Variants in NLRP8 observed in about 807,000 individuals in gnomAD.
NLRP8 encodes the protein NACHT, LRR and PYD domains-containing protein 8.
In NLRP8, 86 loss-of-function variants were observed where a neutral mutation model predicts 88.7. The ratio of observed to expected loss-of-function variants is 0.97; its 90% confidence interval spans 0.81 to 1.16. NLRP8 has a LOEUF of 1.16. Ranked by LOEUF, NLRP8 falls within the 50% of genes most tolerant of loss-of-function variation. The probability of loss-of-function intolerance (pLI) is 0.00; values close to 1 mark genes in which losing one functional copy is unlikely to be tolerated. For synonymous variants in NLRP8, 504 were observed against 494.6 expected (o/e 1.02, Z -0.25); for missense variants, 1,342 against 1,286.5 (o/e 1.04, Z -0.66).
At position 55,976,260 on chromosome 19, in the gene NLRP8, T is replaced by C. The variant is rs199854111; in HGVS notation, c.2833T>C (p.Cys945Arg). 2.2e-5 allele frequency: 36 copies of C among 1,613,274 alleles called. No individual in the cohort carries two copies. The African/African-American group carries it at 3.5e-4, about 16-fold the overall frequency. Residue 945 changes from cysteine (C) to arginine (R), a missense_variant, in exon 8 of 10, where the codon TGT becomes CGT. Coordinates refer to ENST00000291971, the MANE Select transcript of NLRP8 (RefSeq NM_176811.2). ...GAAGGATGATGGGGTGATCCTGCTG[T>C]GTGAGGCCCTGAAGAACCCTGACTG...
chr19:55,970,842 A>G, intron 6 of NLRP8, 146 bp downstream of exon 6: 1 of 1,063,502 alleles, frequency 9.4e-7, no homozygotes, highest in South Asian at 1.6e-5. Flanking sequence ...AATTATATAG[A>G]TAGGTCAATA....
At chr19:55,974,972 G>A (rs1162348445) in intron 7 of NLRP8, among the ~76,000 whole-genome samples, 1 of 152,052 alleles carries the variant, frequency 6.6e-6, no homozygotes, top group East Asian at 1.9e-4. Flanking sequence ...GTGTCTGTCC[G>A]AGATCACGGT....
chr19:55,986,381 TTC>T lies in NLRP8; in HGVS notation c.3048-1428_3048-1427del, dbSNP rs751699184. ...ACCCACTCACACAGTCTCACACACA[TTC>T]TCTCACACACATACACACTGTCTCT... On this transcript the variant is annotated intron_variant, in intron 9 of 9. Transcript: ENST00000291971. Among the ~76,000 whole-genome samples the T allele has an allele frequency of 2.1e-5, 3 of 142,826 alleles. No individual in the cohort carries two copies. The East Asian group carries it at 6.2e-4, about 29-fold the overall frequency. 93.7% of individuals were successfully genotyped at this position (142,826 alleles called of 152,430 possible). A position where few individuals can be genotyped will look rare whatever the true frequency, so the allele number is the denominator to read the frequency against.
intron 9 of NLRP8, among the ~76,000 whole-genome samples, chr19:55,980,737 C>T (rs2123228218): frequency 6.6e-6 from 1 of 152,304 alleles, no homozygotes; most frequent in Non-Finnish European, 1.5e-5. Context: ...TCTTTTATTA[C>T]TTAATCTTGA....
At position 55,973,784 on chromosome 19, in the gene NLRP8, T is replaced by C. The variant is rs755062442; in HGVS notation, c.2667T>C (p.Asn889=). ...ATGAAGGGGCCAAGCATATTTGGAA[T>C]GCCCTGCCACACCTGAGATGTCCTC... The change falls in exon 7 of 10, where the codon AAT becomes AAC. Residue 889 remains asparagine (N), a synonymous_variant. Coordinates refer to ENST00000291971, the MANE Select transcript of NLRP8 (RefSeq NM_176811.2). The C allele has an allele frequency of 3.6e-5, 58 of 1,613,910 alleles. No homozygotes were observed. The highest frequency in any genetic ancestry group is 4.9e-5 in the Non-Finnish European group (58 of 1,179,936).
At chr19:55,975,497 C>G (rs1330883232) in intron 7 of NLRP8, among the ~76,000 whole-genome samples, 4 of 152,184 alleles carry the variant, frequency 2.6e-5, no homozygotes, top group Non-Finnish European at 2.9e-5. Flanking sequence ...CAGCATTATT[C>G]ATAGTACTCA....
chr19:55,959,514 G>GGT (rs1979521898), intron 3 of NLRP8, among the ~76,000 whole-genome samples: 1 of 94,390 alleles, frequency 1.1e-5, no homozygotes, highest in Non-Finnish European at 2.2e-5. Context: ...GCCCGGCCAG[G>GGT]GTGTATTTTT....
Position 55,966,320 on chromosome 19 carries a change from A to C in NLRP8, c.2321A>C (p.Lys774Thr). The C allele has an allele frequency of 6.2e-7, 1 of 1,614,098 alleles. No homozygotes were observed. Among genetic ancestry groups the C allele is most frequent in the Non-Finnish European group, 8.5e-7 (1 of 1,179,970 alleles). The change falls in exon 5 of 10, where the codon AAA (lysine) becomes ACA (threonine). Residue 774 changes from lysine (K) to threonine (T), a missense_variant. Coordinates refer to ENST00000291971, the MANE Select transcript of NLRP8 (RefSeq NM_176811.2). ...ATACAACATGTGGAAGTGGAGTCCA[A>C]AGCTGTGAAGCTTCTATGCAGGGTG...
In NLRP8 at chr19:55,976,163, C is replaced by G; in HGVS notation, c.2736C>G (p.Cys912Trp). The change falls in exon 8 of 10, where the codon TGC becomes TGG. Residue 912 changes from cysteine (C) to tryptophan (W), a missense_variant. Transcript: ENST00000291971. ...GAAAGTGTGACTTGACCTTTAATTG[C>G]TGTCAGGATATGATCTCTGCGCTCT... 1.2e-6 allele frequency: 2 copies of G among 1,607,966 alleles called. No homozygotes were observed. Among genetic ancestry groups the G allele is most frequent in the Non-Finnish European group, 1.7e-6 (2 of 1,178,676 alleles).
intron 8 of NLRP8, among the ~76,000 whole-genome samples, chr19:55,979,056 G>A (rs142025006): frequency 1.7e-3 from 252 of 152,298 alleles, no homozygotes; most frequent in African/African-American, 5.4e-3. Context: ...TGAGTTACAG[G>A]AAGGCAAGGA....
At position 55,954,690 on chromosome 19, in the gene NLRP8, C is replaced by T; in HGVS notation, c.632C>T (p.Ala211Val). ...CCCAAGACCGTGGCCATACAGGGAG[C>T]TCCTGGGATCGGAAAAACAATCCTG... The change falls in exon 3 of 10, where the codon GCT (alanine) becomes GTT (valine). Residue 211 changes from alanine (A) to valine (V), a missense_variant. Coordinates refer to ENST00000291971, the MANE Select transcript of NLRP8 (RefSeq NM_176811.2). 1 of 1,614,168 alleles carries T rather than the reference C, an allele frequency of 6.2e-7. No homozygotes were observed. Among genetic ancestry groups the T allele is most frequent in the Non-Finnish European group, 8.5e-7 (1 of 1,180,032 alleles).
At chr19:55,973,258 G>A (rs990609716) in intron 6 of NLRP8, among the ~76,000 whole-genome samples, 1 of 152,032 alleles carries the variant, frequency 6.6e-6, no homozygotes, top group African/African-American at 2.4e-5. Context: ...TTTAGGAATT[G>A]TCTATTCGTG....
chr19:55,976,360 T>A, intron 8 of NLRP8, 57 bp downstream of exon 8: 1 of 1,419,940 alleles, frequency 7.0e-7, no homozygotes, highest in Non-Finnish European at 9.4e-7. Context: ...TAAGCGTCTC[T>A]CAGGATGGAA....
intron 9 of NLRP8, among the ~76,000 whole-genome samples, chr19:55,981,423 C>T (rs545644395): frequency 6.6e-6 from 1 of 152,270 alleles, no homozygotes; most frequent in East Asian, 1.9e-4. Context: ...AAGGTGAGTT[C>T]CAACCCACAT....
chr19:55,970,058 A>G (rs1980005231), intron 5 of NLRP8, among the ~76,000 whole-genome samples: 1 of 152,192 alleles, frequency 6.6e-6, no homozygotes, highest in East Asian at 1.9e-4. Flanking sequence ...GGTCTATTGC[A>G]CAGCAGGGTG....
At chr19:55,984,458 C>T (rs11669288) in intron 9 of NLRP8, among the ~76,000 whole-genome samples, 59,121 of 146,626 alleles carry the variant, frequency 0.4, 12,487 homozygotes, top group East Asian at 0.75. Flanking sequence ...AATTTGAGAC[C>T]GGCCTGGCCA....
intron 3 of NLRP8, among the ~76,000 whole-genome samples, chr19:55,958,158 G>A (rs1979459855): frequency 6.6e-6 from 1 of 152,136 alleles, no homozygotes; most frequent in South Asian, 2.1e-4. Flanking sequence ...GACCCCTGGC[G>A]AGAGAGGGGA....
rs148388856 is a variant in NLRP8, at chr19:55,955,153, T to C, written c.1095T>C (p.Tyr365=). 3.0e-5 allele frequency: 48 copies of C among 1,614,044 alleles called. No homozygotes were observed. In the African/African-American group the frequency reaches 6.0e-4, roughly 20 times the overall value. The stretch of plus-strand genomic sequence containing the variant: ...TTAATACGATGGAAAAAATCAAGTA[T>C]TTCCAGATGTATTTTGGACACACAG... Residue 365 remains tyrosine (Y), a synonymous_variant, in exon 3 of 10, where the codon TAT becomes TAC. Coordinates refer to ENST00000291971, the MANE Select transcript of NLRP8 (RefSeq NM_176811.2).
At chr19:55,983,583 T>C (rs568320146) in intron 9 of NLRP8, among the ~76,000 whole-genome samples, 101 of 151,566 alleles carry the variant, frequency 6.7e-4, no homozygotes, top group Admixed American at 5.9e-4. Flanking sequence ...GTCTTTAAGG[T>C]TCTCCCCAGA....
Sources: allele counts gnomAD v4.1 joint callset (sites outside exome capture counted in the v4.1 genomes callset), GRCh38; gene constraint gnomAD v4.1.1; transcripts MANE v1.5; gene names NCBI Gene and HGNC (gene_info 2026-07-23, HGNC 2026-07-21).